The following MAD1L1 variants were observed in gnomAD, a reference collection of about 807,000 sequenced individuals.
The protein encoded by MAD1L1 is mitotic spindle assembly checkpoint protein MAD1.
In MAD1L1, 95 loss-of-function variants were observed where a neutral mutation model predicts 96.9. The observed-to-expected ratio is 0.98, with a 90% confidence interval of 0.83 to 1.16. MAD1L1 has a LOEUF of 1.16. MAD1L1 is among the 50% of genes most tolerant of loss of function. The pLI, the probability that MAD1L1 is intolerant of heterozygous loss-of-function variation, is 0.00. For synonymous variants in MAD1L1, 473 were observed against 396.6 expected, an observed-to-expected ratio of 1.19 and a Z score of -2.29; for missense variants, 1,007 against 954.4, an observed-to-expected ratio of 1.06 and a Z score of -0.73.
chr7:1,961,642 C>T (rs1262252009), intron 15 of MAD1L1, among the ~76,000 whole-genome samples: 2 of 152,234 alleles, frequency 1.3e-5, no homozygotes, highest in African/African-American at 4.8e-5. Context: ...AAATTTGGGA[C>T]AGCCAAAGAT....
In MAD1L1 at chr7:2,116,572, G is replaced by GC. The variant is rs1554377764; in HGVS notation, c.1073+32579_1073+32580insG. Among the ~76,000 whole-genome samples, 1,340 of 151,196 alleles carry GC rather than the reference G, an allele frequency of 8.9e-3. 34 individuals carry two copies. Among genetic ancestry groups the GC allele is most frequent in the Middle Eastern group, 0.021 (6 of 292 alleles). On this transcript the variant is annotated intron_variant, in intron 11 of 18. Transcript: ENST00000265854. ...CACGTGGCAGGCCAGAGGGTTGGGG[G>GC]GGGGGGGGGCTCCTGTGTGTACACA...
chr7:1,989,264 G>A (rs549081564), intron 14 of MAD1L1, among the ~76,000 whole-genome samples: 1 of 152,366 alleles, frequency 6.6e-6, no homozygotes, highest in East Asian at 1.9e-4. Flanking sequence ...CTAACGAAAC[G>A]TGGAAAATGG....
intron 16 of MAD1L1, among the ~76,000 whole-genome samples, chr7:1,941,773 T>G (rs1779011945): frequency 6.6e-6 from 1 of 152,230 alleles, no homozygotes. Flanking sequence ...TGGAGCGACC[T>G]GCGATGGCAC....
chr7:2,089,196 C>T (rs1387815145), intron 11 of MAD1L1: 1 of 152,238 alleles, frequency 6.6e-6, no homozygotes, highest in African/African-American at 2.4e-5. Context: ...ACAGTGGAGG[C>T]CACAGCCAAG....
At chr7:1,861,079 G>A (rs1450472733) in intron 18 of MAD1L1, among the ~76,000 whole-genome samples, 2 of 152,212 alleles carry the variant, frequency 1.3e-5, no homozygotes, top group Admixed American at 6.5e-5. Context: ...GTCCCAGCAC[G>A]CAAGCCCAGA....
chr7:1,919,036 G>A (rs12536062), intron 17 of MAD1L1, among the ~76,000 whole-genome samples: 43,908 of 152,244 alleles, frequency 0.29, 7,736 homozygotes, highest in East Asian at 0.43. Flanking sequence ...CCATGCCGCC[G>A]TGATCCGGCC....
chr7:2,189,306 G>T (rs898749489), intron 10 of MAD1L1, among the ~76,000 whole-genome samples: 1 of 152,204 alleles, frequency 6.6e-6, no homozygotes, highest in African/African-American at 2.4e-5. Context: ...GATCCAGCAG[G>T]TTGAAAGCAG....
In MAD1L1 at chr7:2,064,795, G is replaced by A. The variant is rs866557126; in HGVS notation, c.1218+4399C>T. ...GGAATATGGCGGCTTCTCCCAGGACGGAGGCTTCTCCCAGGACAGCGGCTT... is the reference window on the plus strand; with the variant it reads ...GGAATATGGCGGCTTCTCCCAGGACAGAGGCTTCTCCCAGGACAGCGGCTT... On this transcript the variant is annotated intron_variant, in intron 12 of 18. Coordinates refer to ENST00000265854, the MANE Select transcript of MAD1L1 (RefSeq NM_001013836.2). Among the ~76,000 whole-genome samples, 4 of 145,238 alleles carry A rather than the reference G, an allele frequency of 2.8e-5. No individual in the cohort carries two copies. In the East Asian group the frequency reaches 5.9e-4, roughly 21 times the overall value.
chr7:2,220,884 C>T (rs755183884), intron 5 of MAD1L1: 17 of 1,609,160 alleles, frequency 1.1e-5, no homozygotes, highest in South Asian at 6.6e-5. Flanking sequence ...TAATACGCAC[C>T]GTGTGCCAGG....
rs567271563 is a variant in MAD1L1 at position 1,928,218 on chromosome 7, G to A, written c.1807+8469C>T. Among the ~76,000 whole-genome samples, 411 of 150,140 alleles carry A rather than the reference G, an allele frequency of 2.7e-3. 4 individuals carry two copies. The highest frequency in any genetic ancestry group is 9.9e-3 in the African/African-American group (401 of 40,618). On this transcript the variant is annotated intron_variant, in intron 17 of 18. Transcript: ENST00000265854. ...CCCGCCGGTCCCTAAAGGAGCCCAC[G>A]ACGGAACTCCTGCCACGCCAGACAC...
chr7:2,008,994 C>A (rs1013009747), intron 13 of MAD1L1, among the ~76,000 whole-genome samples: 4 of 152,286 alleles, frequency 2.6e-5, no homozygotes, highest in African/African-American at 7.2e-5. Context: ...GGCGGGAAAA[C>A]CAGTACGAGC....
chr7:1,926,624 A>G (rs920259607), intron 17 of MAD1L1, among the ~76,000 whole-genome samples: 3 of 151,886 alleles, frequency 2.0e-5, no homozygotes, highest in African/African-American at 7.2e-5. Context: ...GGTGTAAGGG[A>G]AAAAAAACAT....
intron 11 of MAD1L1, among the ~76,000 whole-genome samples, chr7:2,107,202 G>A (rs1787145380): frequency 6.6e-6 from 1 of 152,244 alleles, no homozygotes; most frequent in African/African-American, 2.4e-5. Context: ...CGGTAAGCCA[G>A]GAGTGTGTGG....
At chr7:1,838,559 A>G in intron 18 of MAD1L1, 1 of 354,216 alleles carries the variant, frequency 2.8e-6, no homozygotes, top group Non-Finnish European at 5.9e-6. Context: ...CCTTACGCTC[A>G]GCGAAAGATG....
chr7:2,218,699 G>A (rs1431385010), intron 6 of MAD1L1, among the ~76,000 whole-genome samples: 6 of 152,064 alleles, frequency 3.9e-5, no homozygotes, highest in Non-Finnish European at 7.4e-5. Context: ...TTGAGGCCAG[G>A]AGCTCAAGAC....
intron 12 of MAD1L1, among the ~76,000 whole-genome samples, chr7:2,048,957 A>C (rs1419241006): frequency 6.6e-6 from 1 of 152,208 alleles, no homozygotes; most frequent in African/African-American, 2.4e-5. Flanking sequence ...CTTATTTTTA[A>C]TGTGATTTTG....
At chr7:2,010,166 A>G (rs1052280795) in intron 13 of MAD1L1, among the ~76,000 whole-genome samples, 2 of 145,934 alleles carry the variant, frequency 1.4e-5, no homozygotes, top group Non-Finnish European at 3.0e-5. Flanking sequence ...CAACACACTC[A>G]CAAGTATTGG....
chr7:2,079,463 A>C (rs1184678250), intron 11 of MAD1L1, among the ~76,000 whole-genome samples: 1 of 152,214 alleles, frequency 6.6e-6, no homozygotes, highest in Non-Finnish European at 1.5e-5. Context: ...CAGGCTCTGA[A>C]GCTGCAGCCT....
chr7:1,924,299 C>T (rs973002736), intron 17 of MAD1L1, among the ~76,000 whole-genome samples: 6 of 152,238 alleles, frequency 3.9e-5, no homozygotes, highest in African/African-American at 1.4e-4. Flanking sequence ...CCCACACACG[C>T]TGGAACCCAG....
Sources: gnomAD v4.1 joint callset for allele counts (sites outside exome capture counted in the v4.1 genomes callset) on GRCh38, gnomAD v4.1.1 for gene constraint, MANE v1.5 for transcripts, NCBI Gene and HGNC (gene_info 2026-07-23, HGNC 2026-07-21) for gene names.